SACS: variants seen among roughly 807,000 people sequenced by gnomAD.
The protein encoded by SACS is sacsin molecular chaperone.
SACS carries 197 observed loss-of-function variants against 348.0 expected under a neutral mutation model. The observed-to-expected ratio is 0.57, with a 90% confidence interval of 0.50 to 0.64. The LOEUF is 0.64. Among genes scored for constraint, SACS ranks in the 30% least tolerant of loss-of-function variants. The pLI is 0.00. For missense variants in SACS, 4,999 were observed against 5,360.8 expected (o/e 0.93, Z 2.11); for synonymous variants, 1,985 against 1,910.6 (o/e 1.04, Z -1.02).
chr13:23,343,306 T>C (rs1427693967), intron 9 of SACS, among the ~76,000 whole-genome samples: 1 of 152,212 alleles, frequency 6.6e-6, no homozygotes, highest in African/African-American at 2.4e-5. Context: ...GGTATATTTT[T>C]CCCAGAGAAA....
chr13:23,426,651 A>G (rs1874194709), intron 1 of SACS, among the ~76,000 whole-genome samples: 1 of 152,102 alleles, frequency 6.6e-6, no homozygotes, highest in African/African-American at 2.4e-5. Context: ...AAAAAAAAAA[A>G]AAAAAAGAAG....
Position 23,341,511 on chromosome 13 carries a change from G to A in SACS, c.2365C>T (p.His789Tyr), listed in dbSNP as rs771093543. ...LKMVWKNLYI[H>Y]FSEDLTLFDE... ...AATAAAGTCAAATCCTCTGAAAAATGTATATAAAGATTTTTCCAAACCATC... is the reference window on the plus strand; with the variant it reads ...AATAAAGTCAAATCCTCTGAAAAATATATATAAAGATTTTTCCAAACCATC... The change falls in exon 10 of 10, where the codon CAT becomes TAT. Residue 789 changes from histidine to tyrosine, a missense_variant. Physicochemically the swap from His to Tyr is moderately conservative, Grantham distance 83 (BLOSUM62 2). Around this residue, in one of 6 missense-constraint regions of SACS, gnomAD observed 3,156 missense variants for 3,380.1 expected, o/e 0.93. Transcript: ENST00000382292. The A allele has an allele frequency of 6.2e-7, 1 of 1,613,790 alleles. No individual in the cohort carries two copies. The highest frequency in any genetic ancestry group is 1.1e-5 in the South Asian group (1 of 91,080).
Position 23,382,185 on chromosome 13 carries a change from G to A in SACS, c.21-6916C>T, listed in dbSNP as rs531099830. 3.9e-3 allele frequency among the ~76,000 whole-genome samples: 601 copies of A among 152,236 alleles called. 4 individuals carry two copies. The highest frequency in any genetic ancestry group is 6.3e-3 in the Non-Finnish European group (426 of 68,032). ...TTTGTTTTTTTTGAGACGGAGTCTC[G>A]CTTTGTTGCCCAGGCTGGAGTGCAG... On this transcript the variant is annotated intron_variant, in intron 2 of 9. Transcript: ENST00000382292.
In SACS at chr13:23,355,548, G is replaced by A. The variant is rs1870313780; in HGVS notation, c.1064C>T (p.Ala355Val). ...RPNSIKILGTAISNYCKKTPS... is the reference protein window; with the variant it reads ...RPNSIKILGTVISNYCKKTPS... ...AGTCTTTTTACAATAGTTACTTATA[G>A]CAGTTCCCAGAATCTTTATAGAATT... Residue 355 changes from alanine to valine, a missense_variant, in exon 8 of 10, where the codon GCT (alanine) becomes GTT (valine). Physicochemically the swap from Ala to Val is moderately conservative, Grantham distance 64. Around this residue, in one of 6 missense-constraint regions of SACS, gnomAD observed 3,156 missense variants for 3,380.1 expected, o/e 0.93. Coordinates refer to ENST00000382292, the MANE Select transcript of SACS (RefSeq NM_014363.6). 2 of 1,613,902 alleles carry A rather than the reference G, an allele frequency of 1.2e-6. No individual in the cohort carries two copies. Among genetic ancestry groups the A allele is most frequent in the African/African-American group, 2.7e-5 (2 of 74,874 alleles).
intron 2 of SACS, among the ~76,000 whole-genome samples, chr13:23,395,433 T>A (rs1229224531): frequency 6.6e-6 from 1 of 152,110 alleles, no homozygotes; most frequent in Non-Finnish European, 1.5e-5. Flanking sequence ...CCCCTTCCTA[T>A]CCCCTCTGCT....
In SACS at chr13:23,337,931, C is replaced by A; in HGVS notation, c.5945G>T (p.Gly1982Val). Residue 1982 changes from glycine (G) to valine (V), a missense_variant, in exon 10 of 10, where the codon GGA (glycine) becomes GTA (valine). Gly to Val is a moderately radical substitution (Grantham distance 109). This residue lies in a region of SACS where 3,156 missense variants were observed against 3,380.1 expected (regional missense o/e 0.93). Coordinates refer to ENST00000382292, the MANE Select transcript of SACS (RefSeq NM_014363.6). ...GKELTKVFSDGSTWVSMKNVR... is the reference protein window; with the variant it reads ...GKELTKVFSDVSTWVSMKNVR... ...GTTCTTCATGGAAACCCAAGTAGAT[C>A]CATCAGAGAAGACTTTGGTCAGTTC... is the stretch of plus-strand genomic sequence containing the variant. The A allele has an allele frequency of 6.2e-7, 1 of 1,613,974 alleles. No homozygotes were observed. Among genetic ancestry groups the A allele is most frequent in the Non-Finnish European group, 8.5e-7 (1 of 1,179,958 alleles).
At position 23,330,624 on chromosome 13, in the gene SACS, CTTTGTTCTG is replaced by C. The variant is rs1219180969; in HGVS notation, c.13243_13251del (p.Gln4415_Lys4417del). 1 of 1,613,878 alleles carries C rather than the reference CTTTGTTCTG, an allele frequency of 6.2e-7. No homozygotes were observed. Among genetic ancestry groups the C allele is most frequent in the East Asian group, 2.2e-5 (1 of 44,878 alleles). ...TGTCCGGCTGAAGGGGGGCATTTTT[CTTTGTTCTG>C]TTGCTGTCTTTCAGATTTATGGCTC... On this transcript the variant is annotated inframe_deletion, in exon 10 of 10. Coordinates refer to ENST00000382292, the MANE Select transcript of SACS (RefSeq NM_014363.6).
intron 1 of SACS, chr13:23,427,252 T>C (rs2138016002): frequency 6.6e-6 from 1 of 152,328 alleles, no homozygotes; most frequent in Admixed American, 6.5e-5. Flanking sequence ...TGAAGTGACA[T>C]GAAATGTGTT....
intron 1 of SACS, among the ~76,000 whole-genome samples, chr13:23,421,717 C>T (rs2137996807): frequency 6.6e-6 from 1 of 151,724 alleles, no homozygotes; most frequent in Middle Eastern, 3.4e-3. Context: ...TGGGCATCCA[C>T]CTGCGGCCTG....
intron 9 of SACS, among the ~76,000 whole-genome samples, chr13:23,353,370 C>T (rs1244920264): frequency 6.6e-6 from 1 of 152,188 alleles, no homozygotes; most frequent in African/African-American, 2.4e-5. Context: ...AGTGGAAGAC[C>T]TGACCTCTCG....
intron 1 of SACS, among the ~76,000 whole-genome samples, chr13:23,413,019 C>T (rs1194863231): frequency 6.6e-6 from 1 of 152,088 alleles, no homozygotes; most frequent in African/African-American, 2.4e-5. Flanking sequence ...CTCTTTTTGC[C>T]TAGGCTGGAG....
In SACS at chr13:23,339,884, T is replaced by A; in HGVS notation, c.3992A>T (p.His1331Leu). The change falls in exon 10 of 10, where the codon CAT (histidine) becomes CTT (leucine). Residue 1331 changes from histidine (H) to leucine (L), a missense_variant. Physicochemically the swap from His to Leu is moderately conservative, Grantham distance 99. Transcript: ENST00000382292. ...CGSIEELTSD[H>L]ISMVIQKIYL... is the part of the protein sequence containing the mutation. Reference sequence around the variant, plus strand: ...TATCTTCTGAATAACCATGGAAATATGATCTGATGTCAACTCCTCTATTGA... The same window carrying A: ...TATCTTCTGAATAACCATGGAAATAAGATCTGATGTCAACTCCTCTATTGA... 6.2e-7 allele frequency: 1 copy of A among 1,614,024 alleles called. No homozygotes were observed. Among genetic ancestry groups the A allele is most frequent in the Non-Finnish European group, 8.5e-7 (1 of 1,179,974 alleles).
At position 23,338,709 on chromosome 13, in the gene SACS, C is replaced by A. The variant is rs1367884141; in HGVS notation, c.5167G>T (p.Ala1723Ser). 6.2e-7 allele frequency: 1 copy of A among 1,610,122 alleles called. No homozygotes were observed. Among genetic ancestry groups the A allele is most frequent in the Admixed American group, 1.7e-5 (1 of 59,238 alleles). Residue 1723 changes from alanine (A) to serine (S), a missense_variant, in exon 10 of 10, where the codon GCA becomes TCA. By Grantham distance (99) the Ala-to-Ser change is moderately conservative. Transcript: ENST00000382292. ...IIKKKSCSSK[A>S]LNTPVLSVLK... ...ACACTTAAGACAGGTGTGTTCAATG[C>A]TTTGGAAGAGCAGGATTTTTTTTTA...
In SACS at chr13:23,382,467, C is replaced by G. The variant is rs565188151; in HGVS notation, c.21-7198G>C. On this transcript the variant is annotated intron_variant, in intron 2 of 9. Transcript: ENST00000382292. ...CATTTCCCAAACCATTTCAAATGTT[C>G]TCTTGATAGAGATGCATTGGATATA... Among the ~76,000 whole-genome samples the G allele has an allele frequency of 3.9e-5, 6 of 152,210 alleles. No individual in the cohort carries two copies. In the East Asian group the frequency reaches 1.2e-3, roughly 29 times the overall value.
intron 1 of SACS, among the ~76,000 whole-genome samples, chr13:23,423,796 A>G (rs955638058): frequency 1.3e-5 from 2 of 152,250 alleles, no homozygotes; most frequent in African/African-American, 4.8e-5. Flanking sequence ...ACTAAAAGCA[A>G]GCTATGTGTG....
rs1301066228 is a variant in SACS at position 23,339,103 on chromosome 13, G to C, written c.4773C>G (p.His1591Gln). The C allele has an allele frequency of 3.1e-6, 5 of 1,611,002 alleles. No individual in the cohort carries two copies. ...TCCCAGGATTGGATTTGTCTTTAAT[G>C]TGTTTACTGATATGATTTATGTTTG... is the stretch of plus-strand genomic sequence containing the variant. ...FDPNINHISK[H>Q]IKDKSNPGIK... The change falls in exon 10 of 10, where the codon CAC becomes CAG. Residue 1591 changes from histidine (H) to glutamine (Q), a missense_variant. This residue lies in a region of SACS where 3,156 missense variants were observed against 3,380.1 expected (regional missense o/e 0.93). Transcript: ENST00000382292.
At chr13:23,427,825 C>A (rs1315563474) in intron 1 of SACS, 2 of 152,228 alleles carry the variant, frequency 1.3e-5, no homozygotes, top group East Asian at 1.9e-4. Flanking sequence ...CCTGGCTGGT[C>A]CCCGAGGACG....
chr13:23,356,421 G>A (rs193270336), intron 7 of SACS, among the ~76,000 whole-genome samples: 1 of 152,332 alleles, frequency 6.6e-6, no homozygotes, highest in East Asian at 1.9e-4. Flanking sequence ...GTACAATGCA[G>A]GTGACTCTGC....
At chr13:23,400,670 T>C (rs941064620) in intron 2 of SACS, among the ~76,000 whole-genome samples, 2 of 152,224 alleles carry the variant, frequency 1.3e-5, no homozygotes, top group Non-Finnish European at 2.9e-5. Context: ...TCCGCCCGCC[T>C]CGGCCTCCCA....
Sources: allele counts gnomAD v4.1 joint callset (sites outside exome capture counted in the v4.1 genomes callset), GRCh38; gene constraint gnomAD v4.1.1; regional missense constraint gnomAD v4.1.1; transcripts MANE v1.5; gene names NCBI Gene and HGNC (gene_info 2026-07-23, HGNC 2026-07-21).